Variants in PRKN observed in about 807,000 individuals in gnomAD.
PRKN encodes the protein E3 ubiquitin-protein ligase parkin.
Under a neutral mutation model 59.5 loss-of-function variants are expected in PRKN, and 56 were observed. The observed-to-expected ratio is 0.94, with a 90% CI of 0.76 to 1.18. PRKN has a LOEUF of 1.18. Among genes scored for constraint, PRKN ranks in the 50% most tolerant of loss-of-function variants. PRKN has a pLI of 0.00. For missense variants in PRKN, 657 were observed against 596.4 expected (o/e 1.10, Z -1.06); for synonymous variants, 250 against 222.1 (o/e 1.13, Z -1.12).
chr6:162,594,228 G>A (rs1781414330), intron 1 of PRKN, among the ~76,000 whole-genome samples: 1 of 151,954 alleles, frequency 6.6e-6, no homozygotes, highest in Non-Finnish European at 1.5e-5. Flanking sequence ...AAACAATTCT[G>A]AGAAAATCAC....
intron 1 of PRKN, among the ~76,000 whole-genome samples, chr6:162,558,602 T>C (rs958494040): frequency 1.3e-5 from 2 of 152,138 alleles, no homozygotes; most frequent in Admixed American, 6.5e-5. Flanking sequence ...GTGCTGGGAT[T>C]ACAGGCATGA....
chr6:162,202,914 C>T (rs1562577633), intron 3 of PRKN, among the ~76,000 whole-genome samples: 1 of 152,050 alleles, frequency 6.6e-6, no homozygotes, highest in Admixed American at 6.6e-5. Context: ...CCTTTATCAG[C>T]AACAGGAACA....
chr6:162,229,840 T>C (rs1313166154), intron 3 of PRKN, among the ~76,000 whole-genome samples: 2 of 152,214 alleles, frequency 1.3e-5, no homozygotes, highest in African/African-American at 4.8e-5. Context: ...GACATTTCTG[T>C]ATGGACTCAT....
At chr6:161,912,484 A>G (rs1778401442) in intron 6 of PRKN, among the ~76,000 whole-genome samples, 1 of 151,234 alleles carries the variant, frequency 6.6e-6, no homozygotes, top group Non-Finnish European at 1.5e-5. Context: ...CGGACGCTTC[A>G]GAACTTGGCC....
At position 161,757,935 on chromosome 6, in the gene PRKN, ATATATATG is replaced by A. The variant is rs1174884206; in HGVS notation, c.871+27829_871+27836del. On this transcript the variant is annotated intron_variant, in intron 7 of 11. Coordinates refer to ENST00000366898, the MANE Select transcript of PRKN (RefSeq NM_004562.3). Reference sequence around the variant, plus strand: ...CACACACACACATCTCTCTCTCTGTATATATATGTATATATATATACAGTTAAATATAT... The same window carrying A: ...CACACACACACATCTCTCTCTCTGTATATATATATATACAGTTAAATATAT... Among the ~76,000 whole-genome samples, 125 of 135,182 alleles carry A rather than the reference ATATATATG, an allele frequency of 9.2e-4. 1 individual carries two copies. The highest frequency in any genetic ancestry group is 3.3e-3 in the African/African-American group (119 of 36,056). The allele number at this position is 135,182 out of a possible 152,430, so 88.7% of individuals were successfully genotyped here. A position where few individuals can be genotyped will look rare whatever the true frequency, so the allele number is the denominator to read the frequency against.
At chr6:162,446,851 T>C (rs558024384) in intron 1 of PRKN, among the ~76,000 whole-genome samples, 3 of 152,262 alleles carry the variant, frequency 2.0e-5, no homozygotes, top group East Asian at 1.9e-4. Context: ...ACTCCAGCCA[T>C]GATTTCCAAA....
At chr6:162,634,648 C>T (rs539554409) in intron 1 of PRKN, among the ~76,000 whole-genome samples, 10 of 152,262 alleles carry the variant, frequency 6.6e-5, no homozygotes, top group Non-Finnish European at 1.3e-4. Flanking sequence ...GTTTTTAAGA[C>T]GGAGTCTCGC....
intron 1 of PRKN, among the ~76,000 whole-genome samples, chr6:162,558,912 G>A (rs1779723857): frequency 6.6e-6 from 1 of 152,018 alleles, no homozygotes; most frequent in Admixed American, 6.6e-5. Flanking sequence ...GAAGTGCTAG[G>A]ATTACAGCAT....
intron 5 of PRKN, among the ~76,000 whole-genome samples, chr6:162,007,311 C>G (rs1351718776): frequency 6.6e-6 from 1 of 152,070 alleles, no homozygotes. Context: ...GGGGTTCATT[C>G]TTTCATGCTA....
chr6:161,434,154 A>G (rs1190514697), intron 9 of PRKN, among the ~76,000 whole-genome samples: 4 of 152,148 alleles, frequency 2.6e-5, no homozygotes, highest in African/African-American at 9.7e-5. Context: ...TGGGGAATAT[A>G]TTATTAGGAA....
At chr6:161,623,498 T>A (rs1196548052) in intron 7 of PRKN, among the ~76,000 whole-genome samples, 3 of 152,228 alleles carry the variant, frequency 2.0e-5, no homozygotes, top group African/African-American at 7.2e-5. Flanking sequence ...TAAGCAAATA[T>A]AGACCAGTAA....
At chr6:161,902,216 C>A (rs1583321715) in intron 6 of PRKN, among the ~76,000 whole-genome samples, 1 of 152,258 alleles carries the variant, frequency 6.6e-6, no homozygotes, top group East Asian at 1.9e-4. Context: ...CCCTGGCCGG[C>A]CCCGTCCTCG....
At chr6:162,523,285 T>C (rs1394557263) in intron 1 of PRKN, among the ~76,000 whole-genome samples, 1 of 152,124 alleles carries the variant, frequency 6.6e-6, no homozygotes, top group African/African-American at 2.4e-5. Flanking sequence ...TCATGGCTTG[T>C]TGTTTAGATA....
chr6:162,553,442 T>C (rs943092852), intron 1 of PRKN, among the ~76,000 whole-genome samples: 2 of 146,156 alleles, frequency 1.4e-5, no homozygotes, highest in Admixed American at 1.4e-4. Context: ...CTGTAGAGAG[T>C]GGGAGCTCAT....
At chr6:162,542,548 A>G (rs2128200440) in intron 1 of PRKN, among the ~76,000 whole-genome samples, 1 of 152,292 alleles carries the variant, frequency 6.6e-6, no homozygotes, top group East Asian at 1.9e-4. Context: ...TATCAGAGAC[A>G]GCGTGATGCA....
chr6:162,679,869 C>A (rs533552007), intron 1 of PRKN, among the ~76,000 whole-genome samples: 1 of 152,270 alleles, frequency 6.6e-6, no homozygotes, highest in Admixed American at 6.5e-5. Flanking sequence ...TGAGGAAGAA[C>A]AGGCCAGTGA....
rs1780029388 is a variant in PRKN at position 161,551,802 on chromosome 6, T to C, written c.934-2799A>G. Among the ~76,000 whole-genome samples the C allele has an allele frequency of 6.6e-6, 1 of 152,158 alleles. No individual in the cohort carries two copies. On this transcript the variant is annotated intron_variant, in intron 8 of 11. Transcript: ENST00000366898. The surrounding 1 kb of genome is among the most constrained non-coding windows in gnomAD (Gnocchi z 5.2). ...TTTCGAAAATGGAGAAATAACGATA[T>C]GATACTATGCTGAAGGCAGGACTGA...
At chr6:162,556,986 C>A (rs1779632762) in intron 1 of PRKN, among the ~76,000 whole-genome samples, 2 of 152,074 alleles carry the variant, frequency 1.3e-5, no homozygotes, top group South Asian at 4.1e-4. Flanking sequence ...TACATTTAAA[C>A]AATTAGATGT....
intron 1 of PRKN, among the ~76,000 whole-genome samples, chr6:162,446,179 T>C (rs373296923): frequency 1.2e-3 from 182 of 152,222 alleles, no homozygotes; most frequent in East Asian, 9.7e-3. Context: ...TCAGAGACCA[T>C]AAGACAACCA....
Sources: gnomAD v4.1 joint callset for allele counts (sites outside exome capture counted in the v4.1 genomes callset) on GRCh38, gnomAD v4.1.1 for gene constraint, Gnocchi (gnomAD v3.1) non-coding constraint, MANE v1.5 for transcripts, NCBI Gene and HGNC (gene_info 2026-07-23, HGNC 2026-07-21) for gene names.